The following GAL3ST4 variants were observed in gnomAD, a reference collection of about 807,000 sequenced individuals.
The protein encoded by GAL3ST4 is galactose-3-O-sulfotransferase 4.
In GAL3ST4, 30 loss-of-function variants were observed where a neutral mutation model predicts 31.6. The observed-to-expected ratio is 0.95, with a 90% CI of 0.71 to 1.29. The LOEUF (loss-of-function observed/expected upper bound fraction) is 1.29, where lower values mean the gene tolerates loss of function less well. Ranked by LOEUF, GAL3ST4 falls within the 50% of genes most tolerant of loss-of-function variation. The probability of loss-of-function intolerance (pLI) is 0.00; values close to 1 mark genes in which losing one functional copy is unlikely to be tolerated. For missense variants in GAL3ST4, 629 were observed against 625.2 expected (o/e 1.01, Z -0.06); for synonymous variants, 248 against 256.9 (o/e 0.97, Z 0.33).
intron 3 of GAL3ST4, among the ~76,000 whole-genome samples, chr7:100,165,480 G>A (rs1584626110): frequency 1.3e-5 from 2 of 152,090 alleles, no homozygotes; most frequent in Non-Finnish European, 2.9e-5. Flanking sequence ...TCCTCAAAAT[G>A]TGAGGGGGTT....
In GAL3ST4 at chr7:100,160,160, C is replaced by T. The variant is rs150936564; in HGVS notation, c.1229G>A (p.Gly410Glu). The T allele has an allele frequency of 1.9e-6, 3 of 1,614,046 alleles. No homozygotes were observed. The highest frequency in any genetic ancestry group is 3.3e-5 in the Admixed American group (2 of 60,006). ...REALAKHCLV[G>E]GEASDPKYIT... ...GTATTTGGGGTCAGAAGCCTCACCCCCTACCAGACAATGTTTCGCTAGGGC... is the reference window on the plus strand; with the variant it reads ...GTATTTGGGGTCAGAAGCCTCACCCTCTACCAGACAATGTTTCGCTAGGGC... The change falls in exon 4 of 4, where the codon GGG becomes GAG. Residue 410 changes from glycine (G) to glutamate (E), a missense_variant. By Grantham distance (98) the Gly-to-Glu change is moderately conservative (BLOSUM62 -2). Coordinates refer to ENST00000360039, the MANE Select transcript of GAL3ST4 (RefSeq NM_024637.5).
intron 1 of GAL3ST4, chr7:100,167,587 C>T: frequency 5.7e-6 from 1 of 176,358 alleles, no homozygotes; most frequent in South Asian, 1.2e-4. Flanking sequence ...GATCAATCAG[C>T]TCATTAACAC....
At chr7:100,162,751 G>T (rs942269703) in intron 3 of GAL3ST4, among the ~76,000 whole-genome samples, 2 of 151,128 alleles carry the variant, frequency 1.3e-5, no homozygotes, top group African/African-American at 4.9e-5. Context: ...AGGTTGACAG[G>T]TGCAGCAAAC....
Position 100,160,860 on chromosome 7 carries a change from A to G in GAL3ST4, c.529T>C (p.Ser177Pro). ...AAAGATGGTGACTTGCGGAAGGCTG[A>G]TGAGGTGGATTTATAGTAGGAGAAG... ...SAFSYYKSTS[S>P]AFRKSPSLAA... Residue 177 changes from serine (S) to proline (P), a missense_variant, in exon 4 of 4, where the codon TCA becomes CCA. Ser to Pro is a moderately conservative substitution (Grantham distance 74). Coordinates refer to ENST00000360039, the MANE Select transcript of GAL3ST4 (RefSeq NM_024637.5). 6.2e-7 allele frequency: 1 copy of G among 1,614,190 alleles called. No individual in the cohort carries two copies. The highest frequency in any genetic ancestry group is 8.5e-7 in the Non-Finnish European group (1 of 1,180,036).
chr7:100,163,403 C>T (rs1307629230), intron 3 of GAL3ST4, among the ~76,000 whole-genome samples: 1 of 151,850 alleles, frequency 6.6e-6, no homozygotes, highest in East Asian at 1.9e-4. Flanking sequence ...TTGAATCTGA[C>T]TTCTGTCTGT....
chr7:100,165,815 T>G (rs981275309), intron 3 of GAL3ST4, among the ~76,000 whole-genome samples: 1 of 66,614 alleles, frequency 1.5e-5, no homozygotes, highest in Non-Finnish European at 3.1e-5. Context: ...AATGAGACCC[T>G]GTCTCACACA....
rs1428377673 is a variant in GAL3ST4 at position 100,166,821 on chromosome 7, G to A, written c.126-16C>T. 3.8e-6 allele frequency: 6 copies of A among 1,585,118 alleles called. No individual in the cohort carries two copies. The highest frequency in any genetic ancestry group is 5.1e-6 in the Non-Finnish European group (6 of 1,165,672). On this transcript the variant is annotated splice_polypyrimidine_tract_variant and intron_variant, in intron 2 of 3. Coordinates refer to ENST00000360039, the MANE Select transcript of GAL3ST4 (RefSeq NM_024637.5). Reference sequence around the variant, plus strand: ...CCCAGGTAGCCTGGGAAGAGATGGAGGGGGAGTGTCCTGTTCCTCAGCAGC... The same window carrying A: ...CCCAGGTAGCCTGGGAAGAGATGGAAGGGGAGTGTCCTGTTCCTCAGCAGC...
rs544186969 is a variant in GAL3ST4 at position 100,160,250 on chromosome 7, C to T, written c.1139G>A (p.Arg380Gln). 16 of 1,614,114 alleles carry T rather than the reference C, an allele frequency of 9.9e-6. No homozygotes were observed. Among genetic ancestry groups the T allele is most frequent in the Middle Eastern group, 1.6e-4 (1 of 6,062 alleles). Residue 380 changes from arginine (R) to glutamine (Q), a missense_variant, in exon 4 of 4, where the codon CGG (arginine) becomes CAG (glutamine). Physicochemically the swap from Arg to Gln is conservative, Grantham distance 43. Transcript: ENST00000360039. ...YVHFNRSLWA[R>Q]IEKYGQGRLQ... is the part of the protein sequence containing the mutation. Reference sequence around the variant, plus strand: ...CCGGCCCTGGCCGTATTTCTCTATCCGTGCCCAGAGACTGCGGTTGAAGTG... The same window carrying T: ...CCGGCCCTGGCCGTATTTCTCTATCTGTGCCCAGAGACTGCGGTTGAAGTG...
In GAL3ST4 at chr7:100,160,362, C is replaced by A; in HGVS notation, c.1027G>T (p.Val343Phe). ...TCCGCAGTCAGTCCACTGTTGCTGACAGTGCTGAGGCCCTGCTTATGTCCA... is the reference window on the plus strand; with the variant it reads ...TCCGCAGTCAGTCCACTGTTGCTGAAAGTGCTGAGGCCCTGCTTATGTCCA... ...QAGHKQGLST[V>F]SNSGLTAEDR... The change falls in exon 4 of 4, where the codon GTC becomes TTC. Residue 343 changes from valine (V) to phenylalanine (F), a missense_variant. Transcript: ENST00000360039. The A allele has an allele frequency of 6.2e-7, 1 of 1,614,110 alleles. No homozygotes were observed. The highest frequency in any genetic ancestry group is 8.5e-7 in the Non-Finnish European group (1 of 1,180,042).
Position 100,168,031 on chromosome 7 carries a change from C to CACACACACACACACAG in GAL3ST4, c.-189+514_-189+515insCTGTGTGTGTGTGTGT, listed in dbSNP as rs1056620049. 1 of 142,980 alleles carries CACACACACACACACAG rather than the reference C, an allele frequency of 7.0e-6. No individual in the cohort carries two copies. The highest frequency in any genetic ancestry group is 2.4e-5 in the African/African-American group (1 of 40,856). The allele number at this position is 142,980 out of a possible 1,614,324, so 8.9% of individuals were successfully genotyped here. On this transcript the variant is annotated intron_variant, in intron 1 of 3. Coordinates refer to ENST00000360039, the MANE Select transcript of GAL3ST4 (RefSeq NM_024637.5). This position sits in a 1 kb window ranked among gnomAD's most constrained non-coding sequence, Gnocchi z 4.1. ...ACACACACACACACACACACACACA[C>CACACACACACACACAG]AGAGAAACAGAGAGAGAGAGACAGA...
chr7:100,166,758 G>T lies in GAL3ST4; in HGVS notation c.173C>A (p.Pro58Gln), dbSNP rs1408700895. 5 of 1,613,358 alleles carry T rather than the reference G, an allele frequency of 3.1e-6. No individual in the cohort carries two copies. In the South Asian group the frequency reaches 3.3e-5, roughly 11 times the overall value. The stretch of plus-strand genomic sequence containing the variant: ...CCGGGGTGGGCAGGACGGAAGGGCT[G>T]GTCGTAGGGATGGGGCCGAGGGCTG... ...LRQPSAPSLR[P>Q]ALPSCPPRQR... The change falls in exon 3 of 4, where the codon CCA (proline) becomes CAA (glutamine). Residue 58 changes from proline to glutamine, a missense_variant. Physicochemically the swap from Pro to Gln is moderately conservative, Grantham distance 76. Transcript: ENST00000360039.
In GAL3ST4 at chr7:100,167,128, T is replaced by G; in HGVS notation, c.-33A>C. 2 of 1,551,998 alleles carry G rather than the reference T, an allele frequency of 1.3e-6. No homozygotes were observed. Among genetic ancestry groups the G allele is most frequent in the Middle Eastern group, 1.7e-4 (1 of 5,916 alleles). On this transcript the variant is annotated 5_prime_UTR_variant, in exon 2 of 4. Transcript: ENST00000360039. The stretch of plus-strand genomic sequence containing the variant: ...AGGGAAGGGTGAGGTGACAGAGAGA[T>G]GGAGCCAGGGCCAGGAAGAGGGGCA...
At position 100,159,959 on chromosome 7, in the gene GAL3ST4, G is replaced by A. The variant is rs1798968217; in HGVS notation, c.1430C>T (p.Pro477Leu). The A allele has an allele frequency of 6.2e-7, 1 of 1,611,394 alleles. No individual in the cohort carries two copies. The highest frequency in any genetic ancestry group is 8.5e-7 in the Non-Finnish European group (1 of 1,178,622). The change falls in exon 4 of 4, where the codon CCC becomes CTC. Residue 477 changes from proline to leucine, a missense_variant. Coordinates refer to ENST00000360039, the MANE Select transcript of GAL3ST4 (RefSeq NM_024637.5). ...GGAGAGTGGCCTTGAAGTCTTGAGG[G>A]GCAGTGAGACGGTAGGGGGGAACTG... Reference protein sequence around the residue: ...AKQFPPTVSLPLKTSRPLSP With the variant: ...AKQFPPTVSLLLKTSRPLSP
Position 100,167,302 on chromosome 7 carries a change from G to T in GAL3ST4, c.-188-19C>A. ...TCAGCGTCTAGAAGGGAAATGAGGG[G>T]GGAAGAAGGGAAGTCTAAGGAGAGA... On this transcript the variant is annotated intron_variant, in intron 1 of 3. Coordinates refer to ENST00000360039, the MANE Select transcript of GAL3ST4 (RefSeq NM_024637.5). The T allele has an allele frequency of 2.4e-6, 3 of 1,242,382 alleles. No individual in the cohort carries two copies. Among genetic ancestry groups the T allele is most frequent in the Non-Finnish European group, 3.3e-6 (3 of 921,428 alleles). 77.0% of individuals were successfully genotyped at this position (1,242,382 alleles called of 1,614,324 possible).
chr7:100,160,176 T>G lies in GAL3ST4; in HGVS notation c.1213A>C (p.Lys405Gln). 6.2e-7 allele frequency: 1 copy of G among 1,614,080 alleles called. No individual in the cohort carries two copies. Among genetic ancestry groups the G allele is most frequent in the Non-Finnish European group, 8.5e-7 (1 of 1,179,972 alleles). ...ELRARREALA[K>Q]HCLVGGEASD... ...GCCTCACCCCCTACCAGACAATGTT[T>G]CGCTAGGGCCTCTCGGCGAGCCCGG... Residue 405 changes from lysine (K) to glutamine (Q), a missense_variant, in exon 4 of 4, where the codon AAA (lysine) becomes CAA (glutamine). By Grantham distance (53) the Lys-to-Gln change is moderately conservative. Coordinates refer to ENST00000360039, the MANE Select transcript of GAL3ST4 (RefSeq NM_024637.5).
chr7:100,164,175 G>C (rs1361295266), intron 3 of GAL3ST4, among the ~76,000 whole-genome samples: 2 of 152,260 alleles, frequency 1.3e-5, no homozygotes, highest in African/African-American at 4.8e-5. Flanking sequence ...CATGTCCTCA[G>C]CTGGTGTCTC....
rs1416930439 is a variant in GAL3ST4 at position 100,166,820 on chromosome 7, AG to A, written c.126-16del. ...GCCCAGGTAGCCTGGGAAGAGATGG[AG>A]GGGGAGTGTCCTGTTCCTCAGCAGC... On this transcript the variant is annotated splice_polypyrimidine_tract_variant and intron_variant, in intron 2 of 3. Coordinates refer to ENST00000360039, the MANE Select transcript of GAL3ST4 (RefSeq NM_024637.5). The A allele has an allele frequency of 1.3e-6, 2 of 1,585,792 alleles. No homozygotes were observed. Among genetic ancestry groups the A allele is most frequent in the Non-Finnish European group, 1.7e-6 (2 of 1,166,022 alleles).
In GAL3ST4 at chr7:100,166,768, A is replaced by C; in HGVS notation, c.163T>G (p.Ser55Ala). 1 of 1,612,566 alleles carries C rather than the reference A, an allele frequency of 6.2e-7. No homozygotes were observed. Among genetic ancestry groups the C allele is most frequent in the Non-Finnish European group, 8.5e-7 (1 of 1,179,426 alleles). Residue 55 changes from serine (S) to alanine (A), a missense_variant, in exon 3 of 4, where the codon TCC becomes GCC. Transcript: ENST00000360039. ...GLQLRQPSAP[S>A]LRPALPSCPP... ...CAGGACGGAAGGGCTGGTCGTAGGG[A>C]TGGGGCCGAGGGCTGTCGGAGCTGT...
intron 3 of GAL3ST4, among the ~76,000 whole-genome samples, chr7:100,161,707 G>C (rs2116970095): frequency 6.6e-6 from 1 of 151,944 alleles, no homozygotes; most frequent in East Asian, 1.9e-4. Flanking sequence ...TGATAGACTG[G>C]ATAAATAAAA....
Sources: allele counts gnomAD v4.1 joint callset (sites outside exome capture counted in the v4.1 genomes callset), GRCh38; gene constraint gnomAD v4.1.1; non-coding constraint Gnocchi (gnomAD v3.1); transcripts MANE v1.5; gene names NCBI Gene and HGNC (gene_info 2026-07-23, HGNC 2026-07-21).